Variants in TEKTIP1 observed in about 807,000 individuals in gnomAD.
TEKTIP1 encodes tektin bundle interacting protein 1.
the TEKTIP1 span, among the ~76,000 whole-genome samples, chr19:3,540,530 A>C: frequency 1.9e-4 from 29 of 150,620 alleles, no homozygotes; most frequent in South Asian, 4.5e-3. Flanking sequence ...TGCTGGGATT[A>C]CAGGCGTGAG....
chr19:3,543,012 C>T, the TEKTIP1 span: 1 of 1,602,546 alleles, frequency 6.2e-7, no homozygotes, highest in Non-Finnish European at 8.5e-7. Flanking sequence ...GACTTGGGTG[C>T]TTGGGGTGCG....
At chr19:3,540,478 G>T in the TEKTIP1 span, among the ~76,000 whole-genome samples, 1 of 151,276 alleles carries the variant, frequency 6.6e-6, no homozygotes, top group Non-Finnish European at 1.5e-5. Context: ...GGATGGTCTC[G>T]ATCTCCTGAC....
the TEKTIP1 span, chr19:3,539,294 C>CCCCTCCCTCCCTCCCTCCCTCCCT: frequency 7.8e-7 from 1 of 1,283,080 alleles, no homozygotes; most frequent in South Asian, 1.3e-5. Context: ...CCCCTCCCAG[C>CCCCTCCCTCCCTCCCTCCCTCCCT]CCCTCCCTCC....
the TEKTIP1 span, chr19:3,542,910 G>T: frequency 1.8e-5 from 26 of 1,433,422 alleles, 1 homozygote; most frequent in South Asian, 2.7e-4. Context: ...GCTGGACAAG[G>T]ACTGTAGGAA....
At chr19:3,539,322 A>G in the TEKTIP1 span, 2 of 852,614 alleles carry the variant, frequency 2.3e-6, no homozygotes, top group Non-Finnish European at 3.4e-6. Context: ...CCTGGGTGTC[A>G]GGTTACATGG....
At chr19:3,539,231 C>T in the TEKTIP1 span, 12 of 1,550,690 alleles carry the variant, frequency 7.7e-6, no homozygotes, top group East Asian at 4.9e-5. Context: ...CGGGGACCCT[C>T]GAGGCCAGCT....
the TEKTIP1 span, chr19:3,541,935 G>A: frequency 1.7e-5 from 8 of 474,752 alleles, no homozygotes; most frequent in Non-Finnish European, 1.9e-5. Flanking sequence ...TCAGCTTCCC[G>A]AGTAGCTGGG....
chr19:3,543,997 C>G, the TEKTIP1 span: 6 of 1,542,270 alleles, frequency 3.9e-6, no homozygotes, highest in African/African-American at 6.9e-5. Flanking sequence ...TCCCTCACAC[C>G]CACTCCCCGA....
At chr19:3,541,933 C>A in the TEKTIP1 span, 63 of 497,476 alleles carry the variant, frequency 1.3e-4, 1 homozygote, top group East Asian at 3.9e-3. Flanking sequence ...CCTCAGCTTC[C>A]CGAGTAGCTG....
the TEKTIP1 span, among the ~76,000 whole-genome samples, chr19:3,540,305 T>C: frequency 1.3e-5 from 2 of 151,572 alleles, no homozygotes; most frequent in East Asian, 3.9e-4. Flanking sequence ...GTCGCAAGAC[T>C]GGAACGCAAT....
At chr19:3,542,778 G>A in the TEKTIP1 span, 1 of 1,365,436 alleles carries the variant, frequency 7.3e-7, no homozygotes, top group Non-Finnish European at 9.8e-7. Flanking sequence ...CCACACACCT[G>A]GCCTAGTGGG....
chr19:3,541,540 C>T, the TEKTIP1 span: 1 of 406,136 alleles, frequency 2.5e-6, no homozygotes, highest in Non-Finnish European at 3.3e-6. Flanking sequence ...CCAGGCTGGT[C>T]TCAAACTCCT....
At chr19:3,543,996 C>T in the TEKTIP1 span, 3 of 1,542,596 alleles carry the variant, frequency 1.9e-6, no homozygotes, top group Non-Finnish European at 2.6e-6. Flanking sequence ...TTCCCTCACA[C>T]CCACTCCCCG....
chr19:3,543,844 G>A, the TEKTIP1 span: 133 of 1,537,940 alleles, frequency 8.6e-5, 1 homozygote, highest in African/African-American at 7.3e-4. Flanking sequence ...AACAGGAACC[G>A]GTACGGGGTG....
the TEKTIP1 span, chr19:3,539,298 T>G: frequency 1.5e-6 from 1 of 673,428 alleles, no homozygotes; most frequent in Non-Finnish European, 2.0e-6. Flanking sequence ...TCCCAGCCCC[T>G]CCCTCCCTCC....
the TEKTIP1 span, among the ~76,000 whole-genome samples, chr19:3,540,507 T>G: frequency 6.6e-6 from 1 of 151,132 alleles, no homozygotes; most frequent in African/African-American, 2.4e-5. Context: ...CTGCCCTCCT[T>G]GGCCTCCCAA....
At chr19:3,540,341 T>TC in the TEKTIP1 span, among the ~76,000 whole-genome samples, 1 of 151,482 alleles carries the variant, frequency 6.6e-6, no homozygotes, top group Non-Finnish European at 1.5e-5. Flanking sequence ...CACTGCAACC[T>TC]CCAACTCCCT....
the TEKTIP1 span, among the ~76,000 whole-genome samples, chr19:3,540,459 T>C: frequency 3.4e-5 from 5 of 148,846 alleles, no homozygotes; most frequent in African/African-American, 1.2e-4. Context: ...GGTTTCACCA[T>C]GTTGGCCAGG....
chr19:3,543,462 G>A, the TEKTIP1 span: 228 of 1,535,708 alleles, frequency 1.5e-4, no homozygotes, highest in Middle Eastern at 2.3e-4. Context: ...CGTGAGTGCA[G>A]CATGCCATCG....
Sources: gnomAD v4.1 joint callset for allele counts (sites outside exome capture counted in the v4.1 genomes callset) on GRCh38, gnomAD v4.1.1 for gene constraint, MANE v1.5 for transcripts, NCBI Gene and HGNC (gene_info 2026-07-23, HGNC 2026-07-21) for gene names.